NBEA: variants seen among roughly 807,000 people sequenced by gnomAD.
NBEA encodes the protein neurobeachin.
A neutral mutation model predicts 343.4 loss-of-function variants in NBEA; 44 were observed. The observed-to-expected ratio is 0.13, with a 90% confidence interval of 0.10 to 0.16. The LOEUF is 0.16. Among genes scored for constraint, NBEA ranks in the 10% least tolerant of loss-of-function variants. NBEA has a pLI of 1.00. For synonymous variants in NBEA, 1,175 were observed against 1,238.7 expected, an observed-to-expected ratio of 0.95 and a Z score of 1.08; for missense variants, 2,555 against 3,631.3, an observed-to-expected ratio of 0.70 and a Z score of 7.62.
intron 2 of NBEA, among the ~76,000 whole-genome samples, chr13:35,042,545 G>A (rs1229971803): frequency 1.3e-5 from 2 of 151,658 alleles, no homozygotes; most frequent in Non-Finnish European, 3.0e-5. Context: ...TACATGCATA[G>A]TAGTTTACTG....
chr13:35,275,037 C>G (rs2034474637), intron 34 of NBEA, among the ~76,000 whole-genome samples: 1 of 152,172 alleles, frequency 6.6e-6, no homozygotes, highest in Non-Finnish European at 1.5e-5. Flanking sequence ...AAAAAAGATC[C>G]TGCATAGCCA....
At chr13:35,450,304 T>C (rs992351807) in intron 39 of NBEA, among the ~76,000 whole-genome samples, 4 of 145,106 alleles carry the variant, frequency 2.8e-5, no homozygotes, top group African/African-American at 1.0e-4. Flanking sequence ...TAAGAGCCCA[T>C]CCCTACAAAA....
intron 33 of NBEA, among the ~76,000 whole-genome samples, chr13:35,226,561 C>G (rs959617654): frequency 1.3e-5 from 2 of 151,902 alleles, no homozygotes; most frequent in Non-Finnish European, 2.9e-5. Flanking sequence ...CTTTTTATCA[C>G]TAGATTTGTT....
At chr13:35,132,227 C>T (rs374773018) in intron 17 of NBEA, among the ~76,000 whole-genome samples, 4 of 152,058 alleles carry the variant, frequency 2.6e-5, no homozygotes, top group Non-Finnish European at 5.9e-5. Flanking sequence ...GCACGATCTC[C>T]GCTCACTGAA....
At chr13:35,509,292 T>C (rs926267435) in intron 41 of NBEA, among the ~76,000 whole-genome samples, 16 of 152,092 alleles carry the variant, frequency 1.1e-4, no homozygotes, top group African/African-American at 3.4e-4. Context: ...AGCTGTTACT[T>C]ATAGATCCTG....
chr13:35,193,339 C>T (rs2072337070), intron 30 of NBEA, among the ~76,000 whole-genome samples: 1 of 151,824 alleles, frequency 6.6e-6, no homozygotes, highest in Admixed American at 6.6e-5. Context: ...TTTGAATGAT[C>T]CCAAAATGTA....
intron 33 of NBEA, 24 bp from the exon 34 acceptor site, chr13:35,232,468 G>A: frequency 6.8e-7 from 1 of 1,467,704 alleles, no homozygotes; most frequent in Non-Finnish European, 9.2e-7. Flanking sequence ...ATATTTATTA[G>A]TTTTTATGTC....
chr13:35,044,858 A>G, intron 2 of NBEA, 89 bp from the exon 3 acceptor site: 2 of 797,824 alleles, frequency 2.5e-6, no homozygotes, highest in South Asian at 1.8e-5. Context: ...AGAGATAACA[A>G]TGATAACTTT....
In NBEA at chr13:35,135,239, T is replaced by G. The variant is rs2067652484; in HGVS notation, c.2337-7030T>G. Among the ~76,000 whole-genome samples, 4 of 152,204 alleles carry G rather than the reference T, an allele frequency of 2.6e-5. No homozygotes were observed. The South Asian group carries it at 6.2e-4, about 24-fold the overall frequency. On this transcript the variant is annotated intron_variant, in intron 17 of 58. Coordinates refer to ENST00000379939, the MANE Select transcript of NBEA (RefSeq NM_001385012.1). ...AGCATTGAGTTCCTATACCTTATCC[T>G]CCATTCTAGCCTCAAAATAAAATGC... is the stretch of plus-strand genomic sequence containing the variant.
intron 1 of NBEA, among the ~76,000 whole-genome samples, chr13:34,994,780 G>A (rs896452395): frequency 3.3e-5 from 5 of 152,136 alleles, no homozygotes; most frequent in Admixed American, 2.0e-4. Context: ...TCTGAATCTT[G>A]GCAGATGGCT....
intron 36 of NBEA, among the ~76,000 whole-genome samples, chr13:35,335,797 C>T (rs573839092): frequency 2.6e-5 from 4 of 151,972 alleles, no homozygotes; most frequent in African/African-American, 9.7e-5. Context: ...GGAGGAACAG[C>T]TTGGAAATAG....
intron 41 of NBEA, among the ~76,000 whole-genome samples, chr13:35,488,404 G>A (rs2076380756): frequency 6.6e-6 from 1 of 151,744 alleles, no homozygotes; most frequent in South Asian, 2.1e-4. Context: ...TTATCGAAAT[G>A]TGTAACTAAG....
chr13:35,185,292 T>C (rs1375569348), intron 30 of NBEA: 2 of 152,156 alleles, frequency 1.3e-5, no homozygotes, highest in Non-Finnish European at 2.9e-5. Flanking sequence ...AAGAGGACCC[T>C]GTGCTCCAGG....
intron 34 of NBEA, among the ~76,000 whole-genome samples, chr13:35,275,394 A>T (rs566511824): frequency 6.6e-6 from 1 of 152,222 alleles, no homozygotes. Context: ...CTAACACCAT[A>T]AAAACCCTGG....
intron 17 of NBEA, among the ~76,000 whole-genome samples, chr13:35,134,112 G>A (rs1443854694): frequency 6.6e-6 from 1 of 151,984 alleles, no homozygotes; most frequent in African/African-American, 2.4e-5. Flanking sequence ...AGTAGATGGT[G>A]TTAAGTTCAT....
At chr13:35,028,423 G>T (rs887911310) in intron 1 of NBEA, among the ~76,000 whole-genome samples, 10 of 151,662 alleles carry the variant, frequency 6.6e-5, no homozygotes, top group Admixed American at 4.6e-4. Flanking sequence ...GACAGTAAAT[G>T]GTATTTTAAA....
At position 34,992,238 on chromosome 13, in the gene NBEA, G is replaced by GTGTATATATA. The variant is rs775136249; in HGVS notation, c.295-48694_295-48693insGTATATATAT. ...TGTGTGTATATGTGTGTGTGTGTGT[G>GTGTATATATA]TATATATATATATATATATATATAT... On this transcript the variant is annotated intron_variant, in intron 1 of 58. Transcript: ENST00000379939. Among the ~76,000 whole-genome samples the GTGTATATATA allele has an allele frequency of 2.1e-3, 259 of 122,112 alleles. 2 individuals are homozygous for GTGTATATATA. The highest frequency in any genetic ancestry group is 8.8e-3 in the Middle Eastern group (2 of 228). 80.1% of individuals were successfully genotyped at this position (122,112 alleles called of 152,430 possible). A position where few individuals can be genotyped will look rare whatever the true frequency, so the allele number is the denominator to read the frequency against.
At chr13:35,078,998 G>A (rs528104464) in intron 10 of NBEA, among the ~76,000 whole-genome samples, 104 of 152,256 alleles carry the variant, frequency 6.8e-4, no homozygotes, top group African/African-American at 2.5e-3. Context: ...CTCCAGCCTG[G>A]CAACAGAGCG....
intron 38 of NBEA, among the ~76,000 whole-genome samples, chr13:35,355,958 T>G (rs2040470468): frequency 6.6e-6 from 1 of 152,020 alleles, no homozygotes; most frequent in Non-Finnish European, 1.5e-5. Context: ...ATATATTATT[T>G]TTATTGTTTT....
Sources: allele counts gnomAD v4.1 joint callset (sites outside exome capture counted in the v4.1 genomes callset), GRCh38; gene constraint gnomAD v4.1.1; transcripts MANE v1.5; gene names NCBI Gene and HGNC (gene_info 2026-07-23, HGNC 2026-07-21).